ZNF442: variants seen among roughly 807,000 people sequenced by gnomAD.
ZNF442 encodes the protein zinc finger protein 442.
Under a neutral mutation model 57.0 loss-of-function variants are expected in ZNF442, and 45 were observed. The observed-to-expected ratio is 0.79, with a 90% CI of 0.62 to 1.01. The LOEUF is 1.01. ZNF442 is among the 50% of genes least tolerant of loss of function. The probability of loss-of-function intolerance (pLI) is 0.00; values close to 1 mark genes in which losing one functional copy is unlikely to be tolerated. For synonymous variants in ZNF442, 213 were observed against 241.8 expected (o/e 0.88, Z 1.10); for missense variants, 690 against 756.5 (o/e 0.91, Z 1.03).
chr19:12,365,759 A>C, upstream of ZNF442: 2 of 168,290 alleles, frequency 1.2e-5, no homozygotes, highest in Non-Finnish European at 2.5e-5. Context: ...AGAGCTCCAA[A>C]TTCCGCCCCC....
intron 3 of ZNF442, among the ~76,000 whole-genome samples, chr19:12,354,655 C>G (rs1284007572): frequency 1.3e-5 from 2 of 152,158 alleles, no homozygotes; most frequent in East Asian, 3.9e-4. Context: ...ACTGCAGTCT[C>G]TGTCTCCCAG....
intron 3 of ZNF442, 92 bp from the exon 4 acceptor site, chr19:12,353,206 C>A: frequency 1.5e-6 from 2 of 1,364,110 alleles, no homozygotes; most frequent in Non-Finnish European, 2.0e-6. Context: ...ACTATTATTT[C>A]TAAGCAATGA....
intron 5 of ZNF442, among the ~76,000 whole-genome samples, chr19:12,351,537 C>T (rs1046731192): frequency 3.9e-5 from 6 of 152,066 alleles, no homozygotes; most frequent in East Asian, 1.9e-4. Context: ...GATGGAGTCT[C>T]GCTCTGTCGC....
At position 12,353,088 on chromosome 19, in the gene ZNF442, C is replaced by G. The variant is rs10405079; in HGVS notation, c.105G>C (p.Ala35=). ...CCCACTCTTCCTGGGTGAAGTTCAC[C>G]GCCACATCCTCAAAGGCTACTGAAT... ...QYDSVAFEDV[A]VNFTQEEWAL... is the part of the protein sequence containing the mutation. The change falls in exon 4 of 6, where the codon GCG becomes GCC. Residue 35 remains alanine (A), a synonymous_variant. Transcript: ENST00000242804. 9.1e-3 allele frequency: 14,701 copies of G among 1,613,164 alleles called. 1,092 individuals carry two copies. In the African/African-American group the frequency reaches 0.17, roughly 18 times the overall value.
chr19:12,350,879 G>A lies in ZNF442; in HGVS notation c.706C>T (p.Pro236Ser), dbSNP rs554220071. ...TTACAACACTGCTTACATTCATACG[G>A]TTTCTCTCCAGTGTGAGTTCTTTCA... ...MHERTHTGEK[P>S]YECKQCCKAF... The change falls in exon 6 of 6, where the codon CCG becomes TCG. Residue 236 changes from proline (P) to serine (S), a missense_variant. Transcript: ENST00000242804. The A allele has an allele frequency of 1.2e-6, 2 of 1,614,062 alleles. No individual in the cohort carries two copies. The highest frequency in any genetic ancestry group is 1.1e-5 in the South Asian group (1 of 91,084).
intron 3 of ZNF442, among the ~76,000 whole-genome samples, chr19:12,355,396 T>C (rs1969311944): frequency 6.7e-6 from 1 of 149,740 alleles, no homozygotes; most frequent in African/African-American, 2.4e-5. Context: ...AGTTTCGCTC[T>C]TATTACCCAG....
intron 3 of ZNF442, among the ~76,000 whole-genome samples, chr19:12,355,162 G>A (rs1969305860): frequency 6.6e-6 from 1 of 151,230 alleles, no homozygotes; most frequent in East Asian, 2.0e-4. Context: ...GTGGTGGCGG[G>A]CACCTGTAGT....
intron 3 of ZNF442, among the ~76,000 whole-genome samples, chr19:12,362,751 G>A (rs566289626): frequency 1.7e-4 from 26 of 152,238 alleles, no homozygotes; most frequent in African/African-American, 4.8e-4. Context: ...TGACGATGGC[G>A]GTTTTGTCGA....
the ZNF442 span, among the ~76,000 whole-genome samples, chr19:12,373,024 G>A: frequency 6.6e-6 from 1 of 152,108 alleles, no homozygotes; most frequent in South Asian, 2.1e-4. Flanking sequence ...TGCCCGCCTT[G>A]GCCTCCCAAA....
chr19:12,370,224 G>A (rs1969569717), upstream of ZNF442, among the ~76,000 whole-genome samples: 1 of 151,412 alleles, frequency 6.6e-6, no homozygotes, highest in South Asian at 2.1e-4. Flanking sequence ...TCTGGGGGTG[G>A]TGGGAGACAG....
At chr19:12,358,556 C>A (rs763866935) in intron 3 of ZNF442, among the ~76,000 whole-genome samples, 58 of 152,128 alleles carry the variant, frequency 3.8e-4, no homozygotes, top group African/African-American at 4.8e-5. Context: ...TACCCAGTAG[C>A]ATATCTGAGA....
Position 12,349,630 on chromosome 19 carries a change from G to A in ZNF442, c.*71C>T. ...GGCTTTACCATGTGTTTGCATTCAT[G>A]AGGCTTATCTCCTATGTGATTTCTT... On this transcript the variant is annotated 3_prime_UTR_variant, in exon 6 of 6. Transcript: ENST00000242804. 6.9e-7 allele frequency: 1 copy of A among 1,454,052 alleles called. No homozygotes were observed. 90.1% of individuals were successfully genotyped at this position (1,454,052 alleles called of 1,614,324 possible).
At chr19:12,363,810 A>G in intron 2 of ZNF442, 139 bp from the exon 3 acceptor site, 1 of 606,802 alleles carries the variant, frequency 1.6e-6, no homozygotes, top group Non-Finnish European at 3.0e-6. Context: ...CAGGCTGCTC[A>G]CTGGGAGAAA....
In ZNF442 at chr19:12,350,493, C is replaced by T; in HGVS notation, c.1092G>A (p.Leu364=). ...CAGTGTGAGTTCTTTCATGACTTTG[C>T]AGTGAACTAGGACAATCAAAGCCTT... ...CGKGFDCPSS[L]QSHERTHTGE... The change falls in exon 6 of 6, where the codon CTG becomes CTA. Residue 364 remains leucine, a synonymous_variant. Coordinates refer to ENST00000242804, the MANE Select transcript of ZNF442 (RefSeq NM_030824.3). The T allele has an allele frequency of 6.2e-7, 1 of 1,608,476 alleles. No individual in the cohort carries two copies. Among genetic ancestry groups the T allele is most frequent in the Non-Finnish European group, 8.5e-7 (1 of 1,178,112 alleles).
intron 3 of ZNF442, among the ~76,000 whole-genome samples, chr19:12,361,698 C>A (rs1969429079): frequency 6.7e-6 from 1 of 148,648 alleles, no homozygotes; most frequent in Admixed American, 6.7e-5. Flanking sequence ...CCCCCTCCCC[C>A]TCTCGCTGTC....
Position 12,349,024 on chromosome 19 carries a change from TACAAAA to T in ZNF442, c.*671_*676del, listed in dbSNP as rs1194167900. 2.4e-4 allele frequency: 6 copies of T among 25,392 alleles called. No individual in the cohort carries two copies. Among genetic ancestry groups the T allele is most frequent in the African/African-American group, 7.7e-4 (5 of 6,468 alleles). 1.6% of individuals were successfully genotyped at this position (25,392 alleles called of 1,614,324 possible). On this transcript the variant is annotated 3_prime_UTR_variant, in exon 6 of 6. Transcript: ENST00000242804. Reference sequence around the variant, plus strand: ...GATGAAACCCCGTCTCTACTAAAAATACAAAAAAAAAAAAAAAAAAAAAAAAATTAG... The same window carrying T: ...GATGAAACCCCGTCTCTACTAAAAATAAAAAAAAAAAAAAAAAAAAATTAG...
At position 12,352,087 on chromosome 19, in the gene ZNF442, GA is replaced by G. The variant is rs1180690437; in HGVS notation, c.206-18del. The G allele has an allele frequency of 1.9e-6, 3 of 1,608,158 alleles. No homozygotes were observed. Among genetic ancestry groups the G allele is most frequent in the Non-Finnish European group, 1.7e-6 (2 of 1,177,284 alleles). On this transcript the variant is annotated intron_variant, in intron 4 of 5. Coordinates refer to ENST00000242804, the MANE Select transcript of ZNF442 (RefSeq NM_030824.3). Reference sequence around the variant, plus strand: ...ATTTCATTCCTAAAAGGTGGACACAGAAAAAACACTGTAGATTATTATAAAA... The same window carrying G: ...ATTTCATTCCTAAAAGGTGGACACAGAAAAACACTGTAGATTATTATAAAA...
chr19:12,361,428 GGAAA>G (rs1969423836), intron 3 of ZNF442, among the ~76,000 whole-genome samples: 1 of 152,098 alleles, frequency 6.6e-6, no homozygotes, highest in Non-Finnish European at 1.5e-5. Flanking sequence ...ACCCTAAAAA[GGAAA>G]GAAACTAAAG....
chr19:12,361,721 C>G (rs1969430212), intron 3 of ZNF442, among the ~76,000 whole-genome samples: 2 of 133,266 alleles, frequency 1.5e-5, no homozygotes, highest in South Asian at 4.9e-4. Context: ...CACGGTCTCC[C>G]TCTCCCTCTC....
Sources: gnomAD v4.1 joint callset for allele counts (sites outside exome capture counted in the v4.1 genomes callset) on GRCh38, gnomAD v4.1.1 for gene constraint, MANE v1.5 for transcripts, NCBI Gene and HGNC (gene_info 2026-07-23, HGNC 2026-07-21) for gene names.